The following SULT4A1 variants were observed in gnomAD, a reference collection of about 807,000 sequenced individuals.
The protein encoded by SULT4A1 is sulfotransferase 4A1.
In SULT4A1, 11 loss-of-function variants were observed where a neutral mutation model predicts 35.2. That is an observed-to-expected ratio of 0.31 (90% confidence interval 0.20 to 0.52). The LOEUF (loss-of-function observed/expected upper bound fraction) is 0.52, where lower values mean the gene tolerates loss of function less well. Ranked by LOEUF, SULT4A1 falls within the 20% of genes least tolerant of loss-of-function variation. The pLI is 0.97. For synonymous variants in SULT4A1, 152 were observed against 151.8 expected, an observed-to-expected ratio of 1.00 and a Z score of -0.01; for missense variants, 271 against 383.7, an observed-to-expected ratio of 0.71 and a Z score of 2.45.
chr22:43,848,127 A>G (rs2077581598), intron 1 of SULT4A1, among the ~76,000 whole-genome samples: 1 of 152,052 alleles, frequency 6.6e-6, no homozygotes, highest in Non-Finnish European at 1.5e-5. Flanking sequence ...AGGGCTCACT[A>G]TGTGCCAGGC....
intron 1 of SULT4A1, among the ~76,000 whole-genome samples, chr22:43,847,212 C>A (rs140295230): frequency 2.0e-5 from 3 of 152,260 alleles, no homozygotes; most frequent in Admixed American, 2.0e-4. Context: ...AGAACACACA[C>A]CACGAAACAC....
At chr22:43,831,487 T>C (rs932898369) in intron 5 of SULT4A1, among the ~76,000 whole-genome samples, 3 of 151,752 alleles carry the variant, frequency 2.0e-5, no homozygotes, top group African/African-American at 7.3e-5. Context: ...TAAGCACAAG[T>C]GCTGACGTCC....
chr22:43,837,829 T>C (rs1432112650), intron 4 of SULT4A1, among the ~76,000 whole-genome samples: 1 of 152,212 alleles, frequency 6.6e-6, no homozygotes, highest in Non-Finnish European at 1.5e-5. Flanking sequence ...TTCCAGGATC[T>C]CTGCTACATG....
intron 1 of SULT4A1, among the ~76,000 whole-genome samples, chr22:43,853,359 A>G (rs1169109867): frequency 2.0e-5 from 3 of 152,340 alleles, no homozygotes; most frequent in South Asian, 2.1e-4. Context: ...ACCTCCACCC[A>G]TGACAGTGGC....
intron 1 of SULT4A1, among the ~76,000 whole-genome samples, chr22:43,853,903 C>T (rs985332050): frequency 1.2e-4 from 19 of 152,226 alleles, no homozygotes; most frequent in Middle Eastern, 3.2e-3. Context: ...GAAGAGGCTC[C>T]GCCCTTGTGT....
chr22:43,826,475 G>C (rs1166653102), intron 6 of SULT4A1: 69 of 985,284 alleles, frequency 7.0e-5, no homozygotes, highest in Non-Finnish European at 8.3e-5. Flanking sequence ...CGTGGCAGGT[G>C]TTTAATAAAC....
At chr22:43,855,291 G>A (rs1382380733) in intron 1 of SULT4A1, among the ~76,000 whole-genome samples, 1 of 152,198 alleles carries the variant, frequency 6.6e-6, no homozygotes, top group African/African-American at 2.4e-5. Flanking sequence ...CCTATTTCAT[G>A]GCAAAGTTGT....
At chr22:43,828,093 A>AGAGCT (rs1160887567) in intron 6 of SULT4A1, among the ~76,000 whole-genome samples, 7 of 152,356 alleles carry the variant, frequency 4.6e-5, no homozygotes, top group African/African-American at 1.7e-4. Flanking sequence ...AGAGGGCAGC[A>AGAGCT]GAGCTGAGCT....
rs781236769 is a variant in SULT4A1 at position 43,845,932 on chromosome 22, G to A, written c.170-4000C>T. Among the ~76,000 whole-genome samples, 64 of 152,152 alleles carry A rather than the reference G, an allele frequency of 4.2e-4. 1 individual carries two copies. Among genetic ancestry groups the A allele is most frequent in the Admixed American group, 3.3e-4 (5 of 15,276 alleles). ...CACCACCTGGGTCCATGGAAAAACT[G>A]TCTTCCGCAAAACCACTCCCTGGTG... On this transcript the variant is annotated intron_variant, in intron 1 of 6. Coordinates refer to ENST00000330884, the MANE Select transcript of SULT4A1 (RefSeq NM_014351.4).
intron 5 of SULT4A1, among the ~76,000 whole-genome samples, chr22:43,833,360 G>T (rs1313214738): frequency 6.6e-6 from 1 of 151,732 alleles, no homozygotes. Context: ...CACTCCAAAG[G>T]CCCCCTGATA....
At chr22:43,842,460 A>G (rs2063441011) in intron 1 of SULT4A1, among the ~76,000 whole-genome samples, 1 of 152,212 alleles carries the variant, frequency 6.6e-6, no homozygotes, top group Non-Finnish European at 1.5e-5. Context: ...CATCATTCAT[A>G]AAGTCACTTG....
intron 5 of SULT4A1, among the ~76,000 whole-genome samples, chr22:43,832,511 T>C (rs2063332469): frequency 6.6e-6 from 1 of 152,078 alleles, no homozygotes; most frequent in African/African-American, 2.4e-5. Flanking sequence ...CCCCAGTGTG[T>C]GAGCACAAAG....
chr22:43,828,813 C>G (rs763279802), intron 6 of SULT4A1: 1 of 444,850 alleles, frequency 2.2e-6, no homozygotes, highest in Non-Finnish European at 3.9e-6. Context: ...TGCACTTTTT[C>G]AAGTCAAAAC....
In SULT4A1 at chr22:43,830,065, G is replaced by A. The variant is rs565005501; in HGVS notation, c.604-867C>T. Among the ~76,000 whole-genome samples the A allele has an allele frequency of 3.3e-5, 5 of 152,354 alleles. 1 individual carries two copies. The South Asian group carries it at 6.2e-4, about 19-fold the overall frequency. On this transcript the variant is annotated intron_variant, in intron 5 of 6. Transcript: ENST00000330884. ...GCTCCTCCCTGGGTCCCCACAGTGCGCTGACTCCTGCAGCAGCGGTTGCAG... is the reference window on the plus strand; with the variant it reads ...GCTCCTCCCTGGGTCCCCACAGTGCACTGACTCCTGCAGCAGCGGTTGCAG...
chr22:43,850,414 A>C (rs1446631129), intron 1 of SULT4A1, among the ~76,000 whole-genome samples: 2 of 152,226 alleles, frequency 1.3e-5, no homozygotes, highest in Non-Finnish European at 2.9e-5. Context: ...TGTAGTGATT[A>C]CATTTCCTCT....
rs569834773 is a variant in SULT4A1 at position 43,841,957 on chromosome 22, G to A, written c.170-25C>T. On this transcript the variant is annotated intron_variant, in intron 1 of 6. Transcript: ENST00000330884. Reference sequence around the variant, plus strand: ...CCTGGAGGGGAGAAGCCCCAGCGCGGGGTGCTCAGAGGAGGCCCACGCGCC... The same window carrying A: ...CCTGGAGGGGAGAAGCCCCAGCGCGAGGTGCTCAGAGGAGGCCCACGCGCC... 3 of 1,609,124 alleles carry A rather than the reference G, an allele frequency of 1.9e-6. No individual in the cohort carries two copies. The East Asian group carries it at 6.7e-5, about 36-fold the overall frequency.
At chr22:43,850,777 A>G (rs2063505446) in intron 1 of SULT4A1, among the ~76,000 whole-genome samples, 1 of 152,094 alleles carries the variant, frequency 6.6e-6, no homozygotes, top group Non-Finnish European at 1.5e-5. Context: ...TCCACCTCCC[A>G]TGTGAGGGAC....
At position 43,841,883 on chromosome 22, in the gene SULT4A1, G is replaced by T. The variant is rs2063433003; in HGVS notation, c.219C>A (p.Asp73Glu). Residue 73 changes from aspartate to glutamate, a missense_variant, in exon 2 of 7, where the codon GAC (aspartate) becomes GAA (glutamate). Asp to Glu is a conservative substitution (Grantham distance 45). This residue lies in a region of SULT4A1 where 164 missense variants were observed against 254.1 expected (regional missense o/e 0.65). Transcript: ENST00000330884. ...TGTTCATCAAGCCGATCTCATCGGG[G>T]TCAGCGCCCTGGCTCACCAAGTAGA... ...EVVYLVSQGA[D>E]PDEIGLMNID... 2 of 1,614,026 alleles carry T rather than the reference G, an allele frequency of 1.2e-6. No individual in the cohort carries two copies. Among genetic ancestry groups the T allele is most frequent in the African/African-American group, 1.3e-5 (1 of 75,076 alleles).
In SULT4A1 at chr22:43,856,319, T is replaced by C. The variant is rs192526194; in HGVS notation, c.169+5895A>G. On this transcript the variant is annotated intron_variant, in intron 1 of 6. Coordinates refer to ENST00000330884, the MANE Select transcript of SULT4A1 (RefSeq NM_014351.4). ...AAAGGAAAAACCAAGACTCTGCCCT[T>C]GGGGGAGGGGCAGGAAACTGTCCCT... 9.9e-5 allele frequency among the ~76,000 whole-genome samples: 15 copies of C among 152,248 alleles called. No homozygotes were observed. In the East Asian group the frequency reaches 2.7e-3, roughly 27 times the overall value.
Sources: allele counts gnomAD v4.1 joint callset (sites outside exome capture counted in the v4.1 genomes callset), GRCh38; gene constraint gnomAD v4.1.1; regional missense constraint gnomAD v4.1.1; transcripts MANE v1.5; gene names NCBI Gene and HGNC (gene_info 2026-07-23, HGNC 2026-07-21).